The following AHNAK variants were observed in gnomAD, a reference collection of about 807,000 sequenced individuals.
The protein encoded by AHNAK is neuroblast differentiation-associated protein AHNAK.
A neutral mutation model predicts 37.8 loss-of-function variants in AHNAK; 23 were observed. That is an observed-to-expected ratio of 0.61 (90% CI 0.44 to 0.86). The LOEUF is 0.86. Among genes scored for constraint, AHNAK ranks in the 40% least tolerant of loss-of-function variants. The probability of loss-of-function intolerance (pLI) is 0.00; values close to 1 mark genes in which losing one functional copy is unlikely to be tolerated. For missense variants in AHNAK, 7,411 were observed against 7,319.4 expected, an observed-to-expected ratio of 1.01 and a Z score of -0.46; for synonymous variants, 2,481 against 2,636.3, an observed-to-expected ratio of 0.94 and a Z score of 1.80.
At position 62,529,085 on chromosome 11, in the gene AHNAK, C is replaced by A. The variant is rs1940624968; in HGVS notation, c.5332G>T (p.Ala1778Ser). Residue 1778 changes from alanine (A) to serine (S), a missense_variant, in exon 5 of 5, where the codon GCT (alanine) becomes TCT (serine). By Grantham distance (99) the Ala-to-Ser change is moderately conservative. Transcript: ENST00000378024. ...KFKMPKLNIKAPKVSMPDVDL... is the reference protein window; with the variant it reads ...KFKMPKLNIKSPKVSMPDVDL... ...ACATCTGGCATGGAGACCTTGGGAGCTTTTATATTCAACTTGGGCATCTTA... is the reference window on the plus strand; with the variant it reads ...ACATCTGGCATGGAGACCTTGGGAGATTTTATATTCAACTTGGGCATCTTA... 3 of 1,613,944 alleles carry A rather than the reference C, an allele frequency of 1.9e-6. No individual in the cohort carries two copies. The highest frequency in any genetic ancestry group is 2.5e-6 in the Non-Finnish European group (3 of 1,180,042).
In AHNAK at chr11:62,533,507, T is replaced by C. The variant is rs1205986370; in HGVS notation, c.910A>G (p.Ile304Val). The C allele has an allele frequency of 6.2e-7, 1 of 1,614,146 alleles. No homozygotes were observed. The highest frequency in any genetic ancestry group is 8.5e-7 in the Non-Finnish European group (1 of 1,180,026). Residue 304 changes from isoleucine (I) to valine (V), a missense_variant, in exon 5 of 5, where the codon ATT (isoleucine) becomes GTT (valine). Physicochemically the swap from Ile to Val is conservative, Grantham distance 29. Coordinates refer to ENST00000378024, the MANE Select transcript of AHNAK (RefSeq NM_001620.3). ...GGCACTTTCATGGTGGGAAATTTAA[T>C]TTTGCCATGATCACCACTCTCCAGA... ...PSLESGDHGK[I>V]KFPTMKVPKF...
chr11:62,486,217 G>A (rs999915627), intron 5 of AHNAK, among the ~76,000 whole-genome samples: 4 of 152,116 alleles, frequency 2.6e-5, no homozygotes, highest in Non-Finnish European at 5.9e-5. Context: ...GCTCACGCCT[G>A]TAATCCCAGC....
intron 5 of AHNAK, among the ~76,000 whole-genome samples, chr11:62,491,476 G>A (rs968912295): frequency 2.0e-5 from 3 of 152,120 alleles, no homozygotes; most frequent in Non-Finnish European, 2.9e-5. Context: ...ATGAAGAAAC[G>A]CTTGAGACTC....
intron 4 of AHNAK, among the ~76,000 whole-genome samples, chr11:62,498,368 T>C (rs1939651412): frequency 2.6e-5 from 4 of 151,284 alleles, no homozygotes; most frequent in Admixed American, 1.3e-4. Flanking sequence ...TGTTTTAATT[T>C]TTTACAAAAT....
chr11:62,466,090 C>A (rs919184465), intron 5 of AHNAK, among the ~76,000 whole-genome samples: 13 of 152,112 alleles, frequency 8.5e-5, no homozygotes, highest in East Asian at 1.9e-4. Context: ...GAGGCCGAGG[C>A]GAGTGGATCA....
Position 62,522,011 on chromosome 11 carries a change from G to A in AHNAK, c.12406C>T (p.Leu4136=), listed in dbSNP as rs373955936. Reference sequence around the variant, plus strand: ...TTCATCTTTGGACCTTTCAGATTCAGGTCAACTTCAGGCATAGAGATCTTC... The same window carrying A: ...TTCATCTTTGGACCTTTCAGATTCAAGTCAACTTCAGGCATAGAGATCTTC... ...APKISMPEVD[L]NLKGPKMKGD... is the part of the protein sequence containing the mutation. The change falls in exon 5 of 5, where the codon CTG becomes TTG. Residue 4136 remains leucine (L), a synonymous_variant. Transcript: ENST00000378024. 6.2e-6 allele frequency: 10 copies of A among 1,613,670 alleles called. No individual in the cohort carries two copies. Among genetic ancestry groups the A allele is most frequent in the Non-Finnish European group, 5.9e-6 (7 of 1,179,956 alleles).
intron 5 of AHNAK, among the ~76,000 whole-genome samples, chr11:62,461,746 A>T (rs1353115671): frequency 6.7e-6 from 1 of 148,992 alleles, no homozygotes; most frequent in Non-Finnish European, 1.5e-5. Context: ...AATCACTTGA[A>T]CCCGGGAGGC....
Position 62,516,387 on chromosome 11 carries a change from C to T in AHNAK, c.*357G>A. 1 of 1,260,992 alleles carries T rather than the reference C, an allele frequency of 7.9e-7. No individual in the cohort carries two copies. The allele number at this position is 1,260,992 out of a possible 1,614,324, so 78.1% of individuals were successfully genotyped here. A position where few individuals can be genotyped will look rare whatever the true frequency, so the allele number is the denominator to read the frequency against. ...GTCATTACAATGAAAAAGTGGGTTTCCATTACCCCAAAACTAACAATGTTC... is the reference window on the plus strand; with the variant it reads ...GTCATTACAATGAAAAAGTGGGTTTTCATTACCCCAAAACTAACAATGTTC... On this transcript the variant is annotated 3_prime_UTR_variant, in exon 5 of 5. Coordinates refer to ENST00000378024, the MANE Select transcript of AHNAK (RefSeq NM_001620.3).
At position 62,519,331 on chromosome 11, in the gene AHNAK, T is replaced by A; in HGVS notation, c.15086A>T (p.His5029Leu). ...GGCCTTAATCTTAGGACCACTCATA[T>A]GAATTTTAGGCATTTTAAACTTACT... ...KKSKFKMPKIHMSGPKIKAKK... is the reference protein window; with the variant it reads ...KKSKFKMPKILMSGPKIKAKK... The change falls in exon 5 of 5, where the codon CAT becomes CTT. Residue 5029 changes from histidine (H) to leucine (L), a missense_variant. Physicochemically the swap from His to Leu is moderately conservative, Grantham distance 99 (BLOSUM62 -3). Transcript: ENST00000378024. 6.2e-7 allele frequency: 1 copy of A among 1,614,196 alleles called. No individual in the cohort carries two copies. Among genetic ancestry groups the A allele is most frequent in the Non-Finnish European group, 8.5e-7 (1 of 1,180,030 alleles).
intron 4 of AHNAK, among the ~76,000 whole-genome samples, chr11:62,499,309 G>A (rs1939672264): frequency 6.6e-6 from 1 of 152,218 alleles, no homozygotes; most frequent in Non-Finnish European, 1.5e-5. Flanking sequence ...AGCACTTTGG[G>A]AGGCCGAGGC....
intron 5 of AHNAK, among the ~76,000 whole-genome samples, chr11:62,445,498 C>T (rs145904570): frequency 0.019 from 2,818 of 152,276 alleles, 37 homozygotes; most frequent in Middle Eastern, 0.058. Context: ...CCCATGCCAT[C>T]ATTCCCCAAA....
intron 5 of AHNAK, among the ~76,000 whole-genome samples, chr11:62,454,330 G>A (rs1046243657): frequency 7.1e-5 from 10 of 140,648 alleles, no homozygotes; most frequent in African/African-American, 2.6e-4. Context: ...GGAGAATGGC[G>A]TGAACCCGGG....
Position 62,524,638 on chromosome 11 carries a change from A to G in AHNAK, c.9779T>C (p.Ile3260Thr), listed in dbSNP as rs758182946. 3 of 1,614,208 alleles carry G rather than the reference A, an allele frequency of 1.9e-6. No homozygotes were observed. Among genetic ancestry groups the G allele is most frequent in the East Asian group, 4.5e-5 (2 of 44,894 alleles). Residue 3260 changes from isoleucine to threonine, a missense_variant, in exon 5 of 5, where the codon ATA becomes ACA. By Grantham distance (89) the Ile-to-Thr change is moderately conservative. Coordinates refer to ENST00000378024, the MANE Select transcript of AHNAK (RefSeq NM_001620.3). ...GTCAATATCTGGAGCATCTACATCT[A>G]TCTTTGGGCCTTTTATGTCAAGAGC... is the stretch of plus-strand genomic sequence containing the variant. ...GPALDIKGPK[I>T]DVDAPDIDIH...
chr11:62,477,354 C>T (rs1939171397), intron 5 of AHNAK, among the ~76,000 whole-genome samples: 1 of 152,060 alleles, frequency 6.6e-6, no homozygotes, highest in Non-Finnish European at 1.5e-5. Flanking sequence ...TGCACCAATA[C>T]TTGAGGGTGG....
chr11:62,524,060 C>T lies in AHNAK; in HGVS notation c.10357G>A (p.Ala3453Thr), dbSNP rs759427907. 5 of 1,613,994 alleles carry T rather than the reference C, an allele frequency of 3.1e-6. No individual in the cohort carries two copies. The East Asian group carries it at 1.1e-4, about 36-fold the overall frequency. The change falls in exon 5 of 5, where the codon GCA (alanine) becomes ACA (threonine). Residue 3453 changes from alanine (A) to threonine (T), a missense_variant. Physicochemically the swap from Ala to Thr is moderately conservative, Grantham distance 58 (BLOSUM62 0). Coordinates refer to ENST00000378024, the MANE Select transcript of AHNAK (RefSeq NM_001620.3). ...GGTGCATTAAGATTGACTTCTGGTG[C>T]CTTAATATCCACTTTGGGGCCTTTA... ...DFKGPKVDIK[A>T]PEVNLNAPDV...
chr11:62,518,436 T>G lies in AHNAK; in HGVS notation c.15981A>C (p.Pro5327=), dbSNP rs1375561903. The G allele has an allele frequency of 6.2e-7, 1 of 1,614,104 alleles. No homozygotes were observed. The highest frequency in any genetic ancestry group is 8.5e-7 in the Non-Finnish European group (1 of 1,180,008). Residue 5327 remains proline, a synonymous_variant, in exon 5 of 5, where the codon CCA becomes CCC. Coordinates refer to ENST00000378024, the MANE Select transcript of AHNAK (RefSeq NM_001620.3). ...CACCGACACCACTGAGGTTGAGCCC[T>G]GGAGCATGCACCTTCATGCTGGGAA... is the stretch of plus-strand genomic sequence containing the variant. ...ASVPSMKVHA[P]GLNLSGVGGK...
chr11:62,488,691 T>C (rs12273757), intron 5 of AHNAK, among the ~76,000 whole-genome samples: 21,888 of 150,664 alleles, frequency 0.15, 3,887 homozygotes, highest in African/African-American at 0.42. Context: ...GGATTACAGG[T>C]ATGAGCCACA....
chr11:62,453,844 G>A (rs989278881), intron 5 of AHNAK, among the ~76,000 whole-genome samples: 1 of 152,330 alleles, frequency 6.6e-6, no homozygotes, highest in South Asian at 2.1e-4. Flanking sequence ...CCATCTGGCC[G>A]GGCGCGGTGG....
chr11:62,530,335 C>T lies in AHNAK; in HGVS notation c.4082G>A (p.Gly1361Glu), dbSNP rs1453002654. Residue 1361 changes from glycine (G) to glutamate (E), a missense_variant, in exon 5 of 5, where the codon GGG (glycine) becomes GAG (glutamate). Physicochemically the swap from Gly to Glu is moderately conservative, Grantham distance 98. Coordinates refer to ENST00000378024, the MANE Select transcript of AHNAK (RefSeq NM_001620.3). ...TGGAGCACTAATGTCAACTTTGGGC[C>T]CTTTAATGTCAACATCTGGCACTTT... ...EMKVPDVDIKGPKVDISAPDV... is the reference protein window; with the variant it reads ...EMKVPDVDIKEPKVDISAPDV... 4.3e-6 allele frequency: 7 copies of T among 1,613,516 alleles called. No homozygotes were observed. Among genetic ancestry groups the T allele is most frequent in the Non-Finnish European group, 5.1e-6 (6 of 1,179,942 alleles).
Sources: allele counts gnomAD v4.1 joint callset (sites outside exome capture counted in the v4.1 genomes callset), GRCh38; gene constraint gnomAD v4.1.1; transcripts MANE v1.5; gene names NCBI Gene and HGNC (gene_info 2026-07-23, HGNC 2026-07-21).